The following C12orf42 variants were observed in gnomAD, a reference collection of about 807,000 sequenced individuals.
C12orf42 encodes the protein chromosome 12 open reading frame 42.
Under a neutral mutation model 21.6 loss-of-function variants are expected in C12orf42, and 25 were observed. The ratio of observed to expected loss-of-function variants is 1.16; its 90% CI spans 0.84 to 1.62. C12orf42 has a LOEUF of 1.62. Among genes scored for constraint, C12orf42 ranks in the 40% most tolerant of loss-of-function variants. The pLI, the probability that C12orf42 is intolerant of heterozygous loss-of-function variation, is 0.00. For synonymous variants in C12orf42, 174 were observed against 175.0 expected (o/e 0.99, Z 0.05); for missense variants, 483 against 459.3 (o/e 1.05, Z -0.47).
chr12:103,241,705 C>T (rs1334175400), intron 10 of C12orf42, among the ~76,000 whole-genome samples: 1 of 152,130 alleles, frequency 6.6e-6, no homozygotes, highest in Non-Finnish European at 1.5e-5. Flanking sequence ...GATAAATATT[C>T]TCTCAAGACC....
the C12orf42 span, among the ~76,000 whole-genome samples, chr12:103,087,100 GT>G: frequency 5.2e-3 from 782 of 151,760 alleles, 3 homozygotes; most frequent in Non-Finnish European, 7.3e-3. Flanking sequence ...TTGTTTGTTT[GT>G]TTTTTTAGAT....
the C12orf42 span, among the ~76,000 whole-genome samples, chr12:103,518,120 A>C: frequency 5.3e-5 from 8 of 152,370 alleles, no homozygotes; most frequent in African/African-American, 1.7e-4. Context: ...GAAGATACAC[A>C]GATGTTACTT....
the C12orf42 span, among the ~76,000 whole-genome samples, chr12:103,073,589 C>T: frequency 2.6e-5 from 4 of 151,974 alleles, no homozygotes; most frequent in Admixed American, 6.6e-5. Flanking sequence ...AGAGAATTTG[C>T]AGAGATATTA....
chr12:103,498,132 T>C (rs1007386101), upstream of C12orf42, among the ~76,000 whole-genome samples: 4 of 151,908 alleles, frequency 2.6e-5, no homozygotes, highest in African/African-American at 7.2e-5. Flanking sequence ...AAGATATGGA[T>C]GTCAACCTTA....
downstream of C12orf42, among the ~76,000 whole-genome samples, chr12:103,297,281 A>C (rs367585849): frequency 3.9e-5 from 6 of 152,146 alleles, no homozygotes; most frequent in East Asian, 7.7e-4. Flanking sequence ...TGTAGTTTGA[A>C]GTCAGGTAGC....
At chr12:103,369,692 C>T (rs994534706) in intron 3 of C12orf42, among the ~76,000 whole-genome samples, 31 of 151,928 alleles carry the variant, frequency 2.0e-4, no homozygotes, top group African/African-American at 7.2e-4. Flanking sequence ...ATTGGATAAA[C>T]AATATGAAAT....
chr12:103,172,346 G>C, the C12orf42 span, among the ~76,000 whole-genome samples: 1 of 152,070 alleles, frequency 6.6e-6, no homozygotes, highest in African/African-American at 2.4e-5. Flanking sequence ...GATGGTGTCA[G>C]GAAGTTGATG....
At chr12:103,424,408 G>A (rs1442196437) in intron 2 of C12orf42, among the ~76,000 whole-genome samples, 3 of 151,936 alleles carry the variant, frequency 2.0e-5, no homozygotes, top group Non-Finnish European at 4.4e-5. Context: ...GAACAGCTCC[G>A]GTCTGCAACT....
chr12:103,528,601 C>T, the C12orf42 span, among the ~76,000 whole-genome samples: 1 of 152,176 alleles, frequency 6.6e-6, no homozygotes, highest in East Asian at 1.9e-4. Context: ...CTCTTGCCTC[C>T]TCCCTCACCC....
rs1384065447 is a variant in C12orf42 at position 103,306,248 on chromosome 12, A to G, written c.357T>C (p.Phe119=). 4 of 1,613,778 alleles carry G rather than the reference A, an allele frequency of 2.5e-6. No individual in the cohort carries two copies. Among genetic ancestry groups the G allele is most frequent in the African/African-American group, 2.7e-5 (2 of 74,946 alleles). Residue 119 remains phenylalanine, a synonymous_variant, in exon 5 of 6, where the codon TTT becomes TTC. Transcript: ENST00000548883. ...GGAATTCTTCATAGCTTTCTTCATC[A>G]AAAGAAACTGTGCTTACAGAACACC... ...VPRCSVSTVS[F]DEESYEEFRS... is the part of the protein sequence containing the mutation.
intron 10 of C12orf42, among the ~76,000 whole-genome samples, chr12:103,243,923 G>T (rs773572171): frequency 2.0e-5 from 3 of 152,074 alleles, no homozygotes; most frequent in Non-Finnish European, 4.4e-5. Context: ...TACTTGAGGA[G>T]ATTATCTAAA....
chr12:103,548,543 C>T, the C12orf42 span: 11 of 152,268 alleles, frequency 7.2e-5, no homozygotes, highest in South Asian at 2.3e-3. Context: ...TACATCCACT[C>T]TCTTTAATTA....
In C12orf42 at chr12:103,495,905, G is replaced by C. The variant is rs1233616933; in HGVS notation, c.-25C>G. 3 of 152,394 alleles carry C rather than the reference G, an allele frequency of 2.0e-5. No individual in the cohort carries two copies. The highest frequency in any genetic ancestry group is 4.4e-5 in the Non-Finnish European group (3 of 68,208). The allele number at this position is 152,394 out of a possible 1,614,324, so 9.4% of individuals were successfully genotyped here. A position where few individuals can be genotyped will look rare whatever the true frequency, so the allele number is the denominator to read the frequency against. ...GTCCCGCGCTCCCTGCGTCTACCTG[G>C]AGCTGCAGGGTCCCTATCCCGGGGC... On this transcript the variant is annotated 5_prime_UTR_variant, in exon 1 of 6. Transcript: ENST00000548883.
At chr12:103,462,295 C>T (rs1462758559) in intron 2 of C12orf42, among the ~76,000 whole-genome samples, 2 of 151,030 alleles carry the variant, frequency 1.3e-5, no homozygotes, top group Non-Finnish European at 3.0e-5. Flanking sequence ...TTTTTTAATA[C>T]AGATGGGGTT....
chr12:103,389,419 A>G (rs753696211), intron 3 of C12orf42, among the ~76,000 whole-genome samples: 6 of 152,182 alleles, frequency 3.9e-5, no homozygotes, highest in Non-Finnish European at 8.8e-5. Context: ...AGGCCAAAGG[A>G]AAGGAGGAAT....
At chr12:103,286,578 T>C (rs2136336718) in intron 4 of C12orf42, among the ~76,000 whole-genome samples, 1 of 151,216 alleles carries the variant, frequency 6.6e-6, no homozygotes, top group South Asian at 2.1e-4. Context: ...CTTTAGCCAT[T>C]ATTATTATCA....
At chr12:103,389,997 T>G (rs904106148) in intron 3 of C12orf42, among the ~76,000 whole-genome samples, 1 of 152,238 alleles carries the variant, frequency 6.6e-6, no homozygotes, top group East Asian at 1.9e-4. Flanking sequence ...TTCACTTCTA[T>G]TCTTGTAAGA....
the C12orf42 span, among the ~76,000 whole-genome samples, chr12:103,054,897 C>CCAG: frequency 1.3e-5 from 2 of 151,872 alleles, no homozygotes; most frequent in African/African-American, 4.8e-5. Flanking sequence ...AAATATTGAA[C>CCAG]CAGCCTTGCA....
At chr12:103,234,525 A>G (rs1021461844), downstream of C12orf42, among the ~76,000 whole-genome samples, 2 of 152,148 alleles carry the variant, frequency 1.3e-5, no homozygotes, top group Admixed American at 1.3e-4. Context: ...TGCCTACTCC[A>G]TTGGTACACA....
Sources: allele counts gnomAD v4.1 joint callset (sites outside exome capture counted in the v4.1 genomes callset), GRCh38; gene constraint gnomAD v4.1.1; transcripts MANE v1.5; gene names NCBI Gene and HGNC (gene_info 2026-07-23, HGNC 2026-07-21).